Variants in KCNH8 observed in about 807,000 individuals in gnomAD.
The protein encoded by KCNH8 is voltage-gated delayed rectifier potassium channel KCNH8.
A neutral mutation model predicts 103.6 loss-of-function variants in KCNH8; 70 were observed. The observed-to-expected ratio is 0.68, with a 90% CI of 0.56 to 0.82. The LOEUF (loss-of-function observed/expected upper bound fraction) is 0.82. KCNH8 is among the 40% of genes least tolerant of loss of function. The pLI, the probability that KCNH8 is intolerant of heterozygous loss-of-function variation, is 0.00. For synonymous variants in KCNH8, 498 were observed against 489.4 expected (o/e 1.02, Z -0.23); for missense variants, 1,217 against 1,329.9 (o/e 0.92, Z 1.32).
At chr3:19,323,132 T>C (rs566120958) in intron 3 of KCNH8, among the ~76,000 whole-genome samples, 28 of 152,284 alleles carry the variant, frequency 1.8e-4, no homozygotes, top group African/African-American at 6.3e-4. Context: ...TACCTTTCTT[T>C]GGTGCGTCCA....
At chr3:19,272,813 G>A (rs1269322199) in intron 2 of KCNH8, among the ~76,000 whole-genome samples, 1 of 151,654 alleles carries the variant, frequency 6.6e-6, no homozygotes, top group Non-Finnish European at 1.5e-5. Context: ...TTTTCCTATA[G>A]CATTTAAGAC....
At chr3:19,530,840 T>A (rs142535821) in intron 15 of KCNH8, among the ~76,000 whole-genome samples, 45 of 152,312 alleles carry the variant, frequency 3.0e-4, no homozygotes, top group African/African-American at 3.6e-4. Flanking sequence ...AGTCCTAAAT[T>A]CTAGACTGAA....
Position 19,223,214 on chromosome 3 carries a change from C to T in KCNH8, c.77-30440C>T, listed in dbSNP as rs189928884. On this transcript the variant is annotated intron_variant, in intron 1 of 15. Coordinates refer to ENST00000328405, the MANE Select transcript of KCNH8 (RefSeq NM_144633.3). ...TGAGGTCAGCAACTCCAAATCTGGG[C>T]ATTAGAACAGAGTCACGCATTATTC... Among the ~76,000 whole-genome samples, 665 of 152,208 alleles carry T rather than the reference C, an allele frequency of 4.4e-3. 3 individuals are homozygous for T. The highest frequency in any genetic ancestry group is 0.015 in the African/African-American group (625 of 41,532).
intron 4 of KCNH8, among the ~76,000 whole-genome samples, chr3:19,347,107 G>A (rs730586): frequency 0.049 from 7,511 of 152,130 alleles, 236 homozygotes; most frequent in East Asian, 0.13. Context: ...GCCCATGTCA[G>A]AGTGCATCTG....
intron 5 of KCNH8, among the ~76,000 whole-genome samples, chr3:19,385,109 T>A (rs915183808): frequency 6.6e-6 from 1 of 151,916 alleles, no homozygotes; most frequent in African/African-American, 2.4e-5. Flanking sequence ...CAGATATTTA[T>A]AGAAAGAGCT....
intron 7 of KCNH8, among the ~76,000 whole-genome samples, chr3:19,416,555 A>C (rs1015081224): frequency 6.6e-6 from 1 of 152,166 alleles, no homozygotes; most frequent in African/African-American, 2.4e-5. Flanking sequence ...TGTGAATGAT[A>C]AATTATTCCC....
intron 5 of KCNH8, among the ~76,000 whole-genome samples, chr3:19,354,481 T>C (rs541625207): frequency 3.3e-5 from 5 of 152,198 alleles, no homozygotes; most frequent in Admixed American, 2.6e-4. Flanking sequence ...CTTCAAACTA[T>C]ACTACAAGGC....
chr3:19,286,285 C>A (rs2064831174), intron 3 of KCNH8, among the ~76,000 whole-genome samples: 1 of 152,130 alleles, frequency 6.6e-6, no homozygotes, highest in African/African-American at 2.4e-5. Flanking sequence ...GTATTTGAGG[C>A]CTTTGAATAA....
intron 3 of KCNH8, among the ~76,000 whole-genome samples, chr3:19,329,658 A>T (rs1409337185): frequency 6.6e-6 from 1 of 152,212 alleles, no homozygotes; most frequent in Non-Finnish European, 1.5e-5. Flanking sequence ...TGGAAGATAC[A>T]TAAAAGTGCT....
At chr3:19,427,817 G>T (rs759774655) in intron 7 of KCNH8, among the ~76,000 whole-genome samples, 1 of 152,172 alleles carries the variant, frequency 6.6e-6, no homozygotes, top group African/African-American at 2.4e-5. Context: ...TGCAAGGTCT[G>T]CAGACCACAC....
chr3:19,532,493 CTT>C (rs1559374478), intron 15 of KCNH8, among the ~76,000 whole-genome samples: 2 of 152,140 alleles, frequency 1.3e-5, no homozygotes, highest in Non-Finnish European at 2.9e-5. Context: ...CTGAAGGCCA[CTT>C]TGTCTCTGGC....
chr3:19,418,886 C>A (rs1230975352), intron 7 of KCNH8, among the ~76,000 whole-genome samples: 1 of 152,186 alleles, frequency 6.6e-6, no homozygotes, highest in Non-Finnish European at 1.5e-5. Context: ...GCTCTTTATA[C>A]TTGCACTAAT....
At chr3:19,170,782 A>G (rs1299537403) in intron 1 of KCNH8, among the ~76,000 whole-genome samples, 1 of 102,162 alleles carries the variant, frequency 9.8e-6, no homozygotes, top group Non-Finnish European at 2.0e-5. Flanking sequence ...ATACACACAC[A>G]CACACACATA....
In KCNH8 at chr3:19,347,901, C is replaced by T. The variant is rs766234736; in HGVS notation, c.747C>T (p.Asp249=). 17 of 1,613,128 alleles carry T rather than the reference C, an allele frequency of 1.1e-5. No homozygotes were observed. The highest frequency in any genetic ancestry group is 1.6e-4 in the Middle Eastern group (1 of 6,080). Residue 249 remains aspartate (D), a synonymous_variant, in exon 5 of 16, where the codon GAC becomes GAT. Transcript: ENST00000328405. The part of the protein sequence containing the change: ...VPYNVCFIGN[D]DLSTTRSTTV... ...ACAACGTTTGCTTTATTGGCAATGA[C>T]GACCTGTCCACAACTCGGAGCACAA...
chr3:19,503,562 A>G (rs922177161), intron 11 of KCNH8, among the ~76,000 whole-genome samples: 53 of 152,302 alleles, frequency 3.5e-4, no homozygotes, highest in African/African-American at 1.2e-3. Flanking sequence ...GATTAAGAAA[A>G]TGTGGCACAT....
chr3:19,383,465 G>A (rs200008290), intron 5 of KCNH8, among the ~76,000 whole-genome samples: 17 of 151,544 alleles, frequency 1.1e-4, no homozygotes, highest in East Asian at 3.9e-4. Flanking sequence ...TGCAGCCTTC[G>A]CCTCCAAGCG....
chr3:19,308,900 C>G (rs993729830), intron 3 of KCNH8, among the ~76,000 whole-genome samples: 2 of 150,762 alleles, frequency 1.3e-5, no homozygotes, highest in African/African-American at 4.9e-5. Flanking sequence ...TAAATTTAAT[C>G]TGTTTTTAAG....
intron 1 of KCNH8, among the ~76,000 whole-genome samples, chr3:19,167,750 G>C (rs150277743): frequency 6.6e-6 from 1 of 152,102 alleles, no homozygotes; most frequent in Non-Finnish European, 1.5e-5. Context: ...GATGCCCTGC[G>C]TCCAGTGTCT....
rs995796815 is a variant in KCNH8, at chr3:19,299,987, G to A, written c.442+18658G>A. ...ATATGGGCCAGGCATGGTAGCTCAC[G>A]CCTGTAATCCCAGCCCTTTGGGTGG... is the stretch of plus-strand genomic sequence containing the variant. On this transcript the variant is annotated intron_variant, in intron 3 of 15. Transcript: ENST00000328405. Among the ~76,000 whole-genome samples, 9 of 152,158 alleles carry A rather than the reference G, an allele frequency of 5.9e-5. No individual in the cohort carries two copies. The South Asian group carries it at 1.0e-3, about 18-fold the overall frequency.
Sources: gnomAD v4.1 joint callset for allele counts (sites outside exome capture counted in the v4.1 genomes callset) on GRCh38, gnomAD v4.1.1 for gene constraint, MANE v1.5 for transcripts, NCBI Gene and HGNC (gene_info 2026-07-23, HGNC 2026-07-21) for gene names.